Variants in CYTH3 observed in about 807,000 individuals in gnomAD.
CYTH3 encodes the protein cytohesin-3.
A neutral mutation model predicts 55.1 loss-of-function variants in CYTH3; 23 were observed. The observed-to-expected ratio is 0.42, with a 90% CI of 0.30 to 0.59. CYTH3 has a LOEUF of 0.59. Ranked by LOEUF, CYTH3 falls within the 20% of genes least tolerant of loss-of-function variation. The pLI, the probability that CYTH3 is intolerant of heterozygous loss-of-function variation, is 0.20. For synonymous variants in CYTH3, 249 were observed against 194.9 expected, an observed-to-expected ratio of 1.28 and a Z score of -2.31; for missense variants, 413 against 524.8, an observed-to-expected ratio of 0.79 and a Z score of 2.08.
intron 4 of CYTH3, among the ~76,000 whole-genome samples, chr7:6,179,740 ACACACACC>A (rs1562881510): frequency 2.0e-4 from 19 of 94,126 alleles, no homozygotes; most frequent in African/African-American, 8.2e-4. Context: ...CACACCCACC[ACACACACC>A]CCACACCCCC....
chr7:6,241,446 G>C (rs988762895), intron 1 of CYTH3, among the ~76,000 whole-genome samples: 1 of 152,222 alleles, frequency 6.6e-6, no homozygotes, highest in African/African-American at 2.4e-5. Context: ...TGGGGAACCA[G>C]GCAATCTCAC....
intron 1 of CYTH3, among the ~76,000 whole-genome samples, chr7:6,262,008 G>C (rs1276491118): frequency 6.6e-6 from 1 of 151,268 alleles, no homozygotes; most frequent in African/African-American, 2.4e-5. Flanking sequence ...CAGAAAATTG[G>C]AATCTTTAAA....
chr7:6,259,050 G>T (rs1780208278), intron 1 of CYTH3, among the ~76,000 whole-genome samples: 1 of 152,190 alleles, frequency 6.6e-6, no homozygotes, highest in South Asian at 2.1e-4. Flanking sequence ...AAGAGCATGT[G>T]TTTCATACGT....
intron 4 of CYTH3, among the ~76,000 whole-genome samples, chr7:6,184,049 C>CTTTTTTTTTT (rs60634853): frequency 6.5e-5 from 3 of 46,376 alleles, no homozygotes; most frequent in African/African-American, 9.1e-5. Flanking sequence ...CCCTCTGTGG[C>CTTTTTTTTTT]TTTTTTTTTT....
At chr7:6,237,100 A>G (rs1264909186) in intron 1 of CYTH3, among the ~76,000 whole-genome samples, 1 of 152,200 alleles carries the variant, frequency 6.6e-6, no homozygotes, top group Non-Finnish European at 1.5e-5. Context: ...TGATCAAAGG[A>G]GACAGCACTT....
intron 1 of CYTH3, among the ~76,000 whole-genome samples, chr7:6,215,275 G>A (rs1045858815): frequency 5.9e-5 from 9 of 152,126 alleles, no homozygotes; most frequent in South Asian, 2.1e-4. Context: ...GTCCCAAAAC[G>A]TACAGATAAT....
intron 1 of CYTH3, among the ~76,000 whole-genome samples, chr7:6,211,152 C>T (rs1474468689): frequency 6.6e-6 from 1 of 152,164 alleles, no homozygotes; most frequent in Admixed American, 6.5e-5. Flanking sequence ...ACTGGGGCAC[C>T]ATCCCCTCCT....
At chr7:6,235,420 C>T (rs1444006139) in intron 1 of CYTH3, among the ~76,000 whole-genome samples, 1 of 150,960 alleles carries the variant, frequency 6.6e-6, no homozygotes, top group Non-Finnish European at 1.5e-5. Flanking sequence ...GTGCAGTCAG[C>T]CAAGATTGCA....
chr7:6,191,897 T>C (rs568285021), intron 1 of CYTH3, among the ~76,000 whole-genome samples: 36 of 152,042 alleles, frequency 2.4e-4, no homozygotes, highest in Admixed American at 2.1e-3. Flanking sequence ...GGCAATACAG[T>C]GGGACCCCCA....
intron 4 of CYTH3, among the ~76,000 whole-genome samples, chr7:6,178,773 T>G (rs1248678029): frequency 6.6e-6 from 1 of 152,242 alleles, no homozygotes; most frequent in Admixed American, 6.5e-5. Context: ...TCAAAGCTCA[T>G]GCCCACTCTG....
chr7:6,252,091 T>TA (rs1198974716), intron 1 of CYTH3, among the ~76,000 whole-genome samples: 1 of 152,158 alleles, frequency 6.6e-6, no homozygotes, highest in Non-Finnish European at 1.5e-5. Context: ...TTATAGAAAT[T>TA]ACACTGAAAC....
chr7:6,254,510 G>A (rs764193169), intron 1 of CYTH3, among the ~76,000 whole-genome samples: 9 of 152,174 alleles, frequency 5.9e-5, no homozygotes, highest in East Asian at 5.8e-4. Flanking sequence ...GTGCAGTGGC[G>A]TGATCTCAGC....
intron 1 of CYTH3, among the ~76,000 whole-genome samples, chr7:6,210,473 A>T (rs1349704272): frequency 6.6e-6 from 1 of 152,206 alleles, no homozygotes; most frequent in Non-Finnish European, 1.5e-5. Context: ...TGTCAAGGAG[A>T]CGTCACCTAA....
intron 1 of CYTH3, among the ~76,000 whole-genome samples, chr7:6,211,689 C>G (rs146635231): frequency 4.7e-4 from 71 of 152,180 alleles, no homozygotes; most frequent in African/African-American, 1.6e-3. Flanking sequence ...TATAGTTACC[C>G]TGTTGTGCTA....
At chr7:6,217,223 C>T (rs1442430630) in intron 1 of CYTH3, among the ~76,000 whole-genome samples, 1 of 152,056 alleles carries the variant, frequency 6.6e-6, no homozygotes, top group East Asian at 1.9e-4. Context: ...CAATAATCAT[C>T]TTAAATGTAA....
chr7:6,225,070 G>T (rs886693241), intron 1 of CYTH3, among the ~76,000 whole-genome samples: 4 of 152,178 alleles, frequency 2.6e-5, no homozygotes, highest in South Asian at 2.1e-4. Context: ...AGGAGTGAGG[G>T]ATCTGTTAGG....
At chr7:6,202,467 T>G (rs897116815) in intron 1 of CYTH3, among the ~76,000 whole-genome samples, 10 of 150,872 alleles carry the variant, frequency 6.6e-5, no homozygotes, top group Admixed American at 2.0e-4. Context: ...GTTTTTTTTT[T>G]TTTTTTTTTT....
At chr7:6,217,410 A>G (rs937822292) in intron 1 of CYTH3, among the ~76,000 whole-genome samples, 1 of 152,240 alleles carries the variant, frequency 6.6e-6, no homozygotes, top group African/African-American at 2.4e-5. Context: ...ATTAATAAAA[A>G]GAAAGCAGGT....
intron 1 of CYTH3, among the ~76,000 whole-genome samples, chr7:6,253,336 G>A (rs148882067): frequency 2.2e-4 from 33 of 151,418 alleles, no homozygotes; most frequent in African/African-American, 7.5e-4. Context: ...TCGTGCCTCA[G>A]CTTGAGATTT....
Sources: allele counts gnomAD v4.1 joint callset (sites outside exome capture counted in the v4.1 genomes callset), GRCh38; gene constraint gnomAD v4.1.1; transcripts MANE v1.5; gene names NCBI Gene and HGNC (gene_info 2026-07-23, HGNC 2026-07-21).